The following ZNF423 variants were observed in gnomAD, a reference collection of about 807,000 sequenced individuals.
ZNF423 encodes Ebf-associated zinc finger protein.
In ZNF423, 12 loss-of-function variants were observed where a neutral mutation model predicts 95.8. That is an observed-to-expected ratio of 0.13 (90% CI 0.08 to 0.20). ZNF423 has a LOEUF of 0.20. Among genes scored for constraint, ZNF423 ranks in the 10% least tolerant of loss-of-function variants. The pLI, the probability that ZNF423 is intolerant of heterozygous loss-of-function variation, is 1.00. For missense variants in ZNF423, 1,316 were observed against 1,737.1 expected (o/e 0.76, Z 4.31); for synonymous variants, 749 against 711.9 (o/e 1.05, Z -0.83).
chr16:49,557,857 A>T (rs1185028646), intron 5 of ZNF423, among the ~76,000 whole-genome samples: 1 of 152,124 alleles, frequency 6.6e-6, no homozygotes, highest in Non-Finnish European at 1.5e-5. Flanking sequence ...CAAGGAAGTG[A>T]TCAATTCAAT....
rs1005256706 is a variant in ZNF423, at chr16:49,565,570, G to A, written c.3602-40076C>T. Among the ~76,000 whole-genome samples, 10 of 152,208 alleles carry A rather than the reference G, an allele frequency of 6.6e-5. No homozygotes were observed. The East Asian group carries it at 7.7e-4, about 12-fold the overall frequency. ...CTCAGCTTTGTGGAAGCCCTCCCAC[G>A]TGCTGCCCACCCTCAGAACCAACGA... On this transcript the variant is annotated intron_variant, in intron 5 of 7. Coordinates refer to ENST00000563137, the MANE Select transcript of ZNF423 (RefSeq NM_001379286.1).
intron 2 of ZNF423, among the ~76,000 whole-genome samples, chr16:49,746,918 C>G (rs550265466): frequency 6.6e-6 from 1 of 152,216 alleles, no homozygotes; most frequent in Non-Finnish European, 1.5e-5. Context: ...AGCATCCTGA[C>G]CTTTCCCTGA....
intron 2 of ZNF423, among the ~76,000 whole-genome samples, chr16:49,759,595 G>A (rs1327544059): frequency 6.6e-6 from 1 of 152,204 alleles, no homozygotes; most frequent in Non-Finnish European, 1.5e-5. Context: ...TCTCAGCCAG[G>A]AGTGCGCTTT....
At chr16:49,621,515 C>T (rs891844651) in intron 5 of ZNF423, among the ~76,000 whole-genome samples, 1 of 152,156 alleles carries the variant, frequency 6.6e-6, no homozygotes, top group Non-Finnish European at 1.5e-5. Context: ...GGTTTACCGC[C>T]CCGCAGGGGA....
At chr16:49,537,931 G>T (rs528571271) in intron 5 of ZNF423, among the ~76,000 whole-genome samples, 2 of 152,280 alleles carry the variant, frequency 1.3e-5, no homozygotes, top group South Asian at 2.1e-4. Flanking sequence ...CAGATGGGGG[G>T]TCTGCCACCT....
intron 1 of ZNF423, among the ~76,000 whole-genome samples, chr16:49,799,015 A>G (rs1010396378): frequency 1.3e-5 from 2 of 152,162 alleles, no homozygotes; most frequent in Admixed American, 6.5e-5. Context: ...TCATCTAGCT[A>G]TGGCTGTGAG....
At chr16:49,584,402 A>C (rs1312445094) in intron 5 of ZNF423, among the ~76,000 whole-genome samples, 1 of 152,158 alleles carries the variant, frequency 6.6e-6, no homozygotes, top group Non-Finnish European at 1.5e-5. Context: ...TTCAAGCTTT[A>C]AGGGGGCTGC....
At chr16:49,505,235 T>G (rs1283904876) in intron 7 of ZNF423, among the ~76,000 whole-genome samples, 1 of 152,204 alleles carries the variant, frequency 6.6e-6, no homozygotes, top group East Asian at 1.9e-4. Flanking sequence ...AAATCAGGAC[T>G]GTACTGGAAA....
chr16:49,638,093 G>A lies in ZNF423; in HGVS notation c.1083C>T (p.His361=), dbSNP rs201095265. ...DSHRQPDSSN[H]SVSPDPVLGS... Reference sequence around the variant, plus strand: ...CCAGTACAGGGTCGGGACTGACACTGTGGTTGCTGGAGTCGGGCTGCCGGT... The same window carrying A: ...CCAGTACAGGGTCGGGACTGACACTATGGTTGCTGGAGTCGGGCTGCCGGT... Residue 361 remains histidine, a synonymous_variant, in exon 4 of 8, where the codon CAC becomes CAT. Transcript: ENST00000563137. The surrounding 1 kb of genome is among the most constrained non-coding windows in gnomAD (Gnocchi z 5.6). 8 of 1,613,848 alleles carry A rather than the reference G, an allele frequency of 5.0e-6. No individual in the cohort carries two copies. The East Asian group carries it at 1.1e-4, about 22-fold the overall frequency.
At chr16:49,854,900 C>A in intron 1 of ZNF423, 2 of 985,260 alleles carry the variant, frequency 2.0e-6, no homozygotes, top group Non-Finnish European at 2.4e-6. Flanking sequence ...AGAAAGCCGG[C>A]CTGGGTGTCG....
intron 5 of ZNF423, among the ~76,000 whole-genome samples, chr16:49,617,598 T>C (rs1470314121): frequency 6.6e-6 from 1 of 152,156 alleles, no homozygotes; most frequent in Non-Finnish European, 1.5e-5. Flanking sequence ...ACTTCCATCC[T>C]TCCTCTTCCC....
At chr16:49,542,750 C>T (rs553477621) in intron 5 of ZNF423, among the ~76,000 whole-genome samples, 1 of 152,314 alleles carries the variant, frequency 6.6e-6, no homozygotes, top group African/African-American at 2.4e-5. Context: ...ACAGGCTCAC[C>T]CGGCCAGATG....
intron 2 of ZNF423, among the ~76,000 whole-genome samples, chr16:49,756,978 C>A (rs1159128142): frequency 1.3e-5 from 2 of 152,160 alleles, no homozygotes; most frequent in Non-Finnish European, 2.9e-5. Flanking sequence ...AAGACAGAAA[C>A]CCCACCTAAC....
chr16:49,703,603 A>G (rs1488757648), intron 3 of ZNF423, among the ~76,000 whole-genome samples: 1 of 152,242 alleles, frequency 6.6e-6, no homozygotes, highest in Non-Finnish European at 1.5e-5. Flanking sequence ...CACTCTCCCA[A>G]GGCCCCTCAC....
chr16:49,761,510 C>T (rs981338976), intron 2 of ZNF423, among the ~76,000 whole-genome samples: 4 of 152,244 alleles, frequency 2.6e-5, no homozygotes, highest in Non-Finnish European at 2.9e-5. Context: ...CCCAGGACCA[C>T]GCTCTGAGTA....
chr16:49,825,070 T>C (rs2034990731), intron 1 of ZNF423, among the ~76,000 whole-genome samples: 1 of 152,232 alleles, frequency 6.6e-6, no homozygotes, highest in South Asian at 2.1e-4. Flanking sequence ...ATTTGCATTT[T>C]ATTATCAGAG....
At chr16:49,847,184 A>G (rs552857446) in intron 1 of ZNF423, 2 of 152,402 alleles carry the variant, frequency 1.3e-5, no homozygotes, top group South Asian at 4.1e-4. Context: ...AGCACCTCCA[A>G]GGAGCGAGGC....
intron 3 of ZNF423, among the ~76,000 whole-genome samples, chr16:49,701,760 AT>A (rs1363713831): frequency 2.6e-5 from 4 of 152,210 alleles, no homozygotes; most frequent in Non-Finnish European, 4.4e-5. Flanking sequence ...CCCGTTGCAG[AT>A]TTTACTGTAG....
intron 3 of ZNF423, among the ~76,000 whole-genome samples, chr16:49,723,912 C>A (rs1352359045): frequency 6.6e-6 from 1 of 152,218 alleles, no homozygotes; most frequent in Non-Finnish European, 1.5e-5. Context: ...CACTTCGAAT[C>A]CTTTCCGCTC....
Sources: gnomAD v4.1 joint callset for allele counts (sites outside exome capture counted in the v4.1 genomes callset) on GRCh38, gnomAD v4.1.1 for gene constraint, Gnocchi (gnomAD v3.1) non-coding constraint, MANE v1.5 for transcripts, NCBI Gene and HGNC (gene_info 2026-07-23, HGNC 2026-07-21) for gene names.